L3MBTL4: variants seen among roughly 807,000 people sequenced by gnomAD.
L3MBTL4 encodes L3MBTL histone methyl-lysine binding protein 4, also known as lethal(3)malignant brain tumor-like protein 4.
A neutral mutation model predicts 84.5 loss-of-function variants in L3MBTL4; 70 were observed. The observed-to-expected ratio is 0.83, with a 90% CI of 0.68 to 1.01. The LOEUF is 1.01. L3MBTL4 is among the 50% of genes least tolerant of loss of function. The pLI is 0.00. For missense variants in L3MBTL4, 715 were observed against 754.8 expected, an observed-to-expected ratio of 0.95 and a Z score of 0.62; for synonymous variants, 274 against 259.8, an observed-to-expected ratio of 1.05 and a Z score of -0.52.
intron 12 of L3MBTL4, among the ~76,000 whole-genome samples, chr18:6,179,853 G>A (rs1328890082): frequency 6.6e-6 from 1 of 152,112 alleles, no homozygotes; most frequent in Admixed American, 6.6e-5. Flanking sequence ...GCTCAGGTTG[G>A]TCTCAAACTC....
chr18:6,175,776 A>AAGT (rs1330802136), intron 12 of L3MBTL4, among the ~76,000 whole-genome samples: 1 of 152,200 alleles, frequency 6.6e-6, no homozygotes, highest in Non-Finnish European at 1.5e-5. Context: ...AGAATAAGGC[A>AAGT]AGTTTATTCA....
chr18:6,235,845 C>T (rs934997713), intron 10 of L3MBTL4, among the ~76,000 whole-genome samples: 4 of 152,064 alleles, frequency 2.6e-5, no homozygotes, highest in African/African-American at 9.7e-5. Flanking sequence ...GTGAATTTTA[C>T]ATCAATAAAA....
intron 1 of L3MBTL4, among the ~76,000 whole-genome samples, chr18:6,348,258 A>G (rs1245792335): frequency 6.6e-6 from 1 of 152,068 alleles, no homozygotes; most frequent in Non-Finnish European, 1.5e-5. Flanking sequence ...GTATAGAGGG[A>G]TTTTTAAAGA....
At chr18:5,958,551 C>A (rs927339399) in intron 18 of L3MBTL4, among the ~76,000 whole-genome samples, 1 of 152,128 alleles carries the variant, frequency 6.6e-6, no homozygotes, top group Non-Finnish European at 1.5e-5. Context: ...GGGTTTGATC[C>A]TCCTGATAAC....
Position 6,311,850 on chromosome 18 carries a change from G to A in L3MBTL4, c.-32+148C>T, listed in dbSNP as rs182434256. On this transcript the variant is annotated intron_variant, in intron 2 of 18. Transcript: ENST00000317931. ...AATAAGACAAGGGGGAGGGCAATGC[G>A]TTTACTACCTCATCTAGAATTTATA... 3.1e-3 allele frequency: 1,260 copies of A among 412,450 alleles called. 11 individuals carry two copies. The highest frequency in any genetic ancestry group is 2.8e-3 in the Non-Finnish European group (637 of 226,024). 25.5% of individuals were successfully genotyped at this position (412,450 alleles called of 1,614,324 possible).
chr18:6,073,844 A>C (rs1247748054), intron 16 of L3MBTL4, among the ~76,000 whole-genome samples: 1 of 152,100 alleles, frequency 6.6e-6, no homozygotes, highest in African/African-American at 2.4e-5. Flanking sequence ...ACATTGAGAT[A>C]AGGTGTTTTG....
intron 16 of L3MBTL4, among the ~76,000 whole-genome samples, chr18:5,977,486 G>A (rs2144933794): frequency 6.6e-6 from 1 of 152,302 alleles, no homozygotes; most frequent in South Asian, 2.1e-4. Flanking sequence ...CCTGTGCCTT[G>A]CTGCCCCAAT....
chr18:6,025,690 T>C (rs989230441), intron 16 of L3MBTL4, among the ~76,000 whole-genome samples: 4 of 152,152 alleles, frequency 2.6e-5, no homozygotes, highest in African/African-American at 9.7e-5. Context: ...AGGGGTGGTT[T>C]TGGGATAAAA....
At chr18:5,989,683 G>A (rs1208610880) in intron 16 of L3MBTL4, among the ~76,000 whole-genome samples, 1 of 152,180 alleles carries the variant, frequency 6.6e-6, no homozygotes, top group Non-Finnish European at 1.5e-5. Context: ...GCAGAATTGG[G>A]GCAGGGAGGG....
At chr18:6,293,477 G>T (rs781341370) in intron 4 of L3MBTL4, among the ~76,000 whole-genome samples, 13 of 151,716 alleles carry the variant, frequency 8.6e-5, no homozygotes, top group Non-Finnish European at 1.6e-4. Flanking sequence ...GAAAAAAAAG[G>T]ATTAAAATCC....
At chr18:6,143,963 C>A (rs537816275) in intron 13 of L3MBTL4, among the ~76,000 whole-genome samples, 3 of 151,992 alleles carry the variant, frequency 2.0e-5, no homozygotes, top group Non-Finnish European at 2.9e-5. Context: ...TTTGGGAGGC[C>A]AAGGGTGGCG....
At chr18:6,190,951 T>C (rs1374710460) in intron 12 of L3MBTL4, among the ~76,000 whole-genome samples, 1 of 152,114 alleles carries the variant, frequency 6.6e-6, no homozygotes, top group African/African-American at 2.4e-5. Context: ...GAAGTCTAGT[T>C]TGGCTGGAGT....
At chr18:6,311,521 C>CCACA (rs1216978382) in intron 3 of L3MBTL4, 33 bp downstream of exon 3, 1 of 1,585,108 alleles carries the variant, frequency 6.3e-7, no homozygotes, top group African/African-American at 1.3e-5. Flanking sequence ...CGATCACACA[C>CCACA]TGTGAGGAAG....
At chr18:6,124,656 T>C (rs925822107) in intron 14 of L3MBTL4, among the ~76,000 whole-genome samples, 17 of 152,058 alleles carry the variant, frequency 1.1e-4, no homozygotes, top group African/African-American at 3.6e-4. Context: ...TTTTCTAATA[T>C]GCAAAGATTT....
intron 1 of L3MBTL4, among the ~76,000 whole-genome samples, chr18:6,314,355 A>T (rs1346527565): frequency 2.0e-5 from 3 of 152,182 alleles, no homozygotes; most frequent in African/African-American, 7.2e-5. Flanking sequence ...TAAAAAAAGA[A>T]TAATGTCAAA....
At chr18:6,094,170 G>T (rs374660249) in intron 14 of L3MBTL4, among the ~76,000 whole-genome samples, 2 of 152,092 alleles carry the variant, frequency 1.3e-5, no homozygotes, top group Non-Finnish European at 2.9e-5. Flanking sequence ...GCAGGCTATG[G>T]GCAGAAGGAT....
chr18:6,303,858 C>A (rs952119438), intron 3 of L3MBTL4, among the ~76,000 whole-genome samples: 7 of 151,960 alleles, frequency 4.6e-5, no homozygotes, highest in Middle Eastern at 6.8e-3. Flanking sequence ...ACTATAAATA[C>A]CAAAAATTAG....
chr18:6,138,925 C>T (rs937543634), intron 13 of L3MBTL4, among the ~76,000 whole-genome samples: 19 of 152,138 alleles, frequency 1.2e-4, no homozygotes, highest in African/African-American at 1.7e-4. Context: ...GCTGAGAATG[C>T]GAATACGTAA....
At chr18:6,064,779 A>G (rs181380071) in intron 16 of L3MBTL4, among the ~76,000 whole-genome samples, 106 of 152,102 alleles carry the variant, frequency 7.0e-4, no homozygotes, top group African/African-American at 1.9e-3. Context: ...TAAGCATATT[A>G]TCATATCATT....
Sources: gnomAD v4.1 joint callset for allele counts (sites outside exome capture counted in the v4.1 genomes callset) on GRCh38, gnomAD v4.1.1 for gene constraint, MANE v1.5 for transcripts, NCBI Gene and HGNC (gene_info 2026-07-23, HGNC 2026-07-21) for gene names.